The following RIMS2 variants were observed in gnomAD, a reference collection of about 807,000 sequenced individuals.
RIMS2 encodes the protein regulating synaptic membrane exocytosis protein 2.
RIMS2 carries 59 observed loss-of-function variants against 174.4 expected under a neutral mutation model. The observed-to-expected ratio is 0.34, with a 90% CI of 0.27 to 0.42. The LOEUF is 0.42. Ranked by LOEUF, RIMS2 falls within the 10% of genes least tolerant of loss-of-function variation. The probability of loss-of-function intolerance (pLI) is 1.00; values close to 1 mark genes in which losing one functional copy is unlikely to be tolerated. For synonymous variants in RIMS2, 606 were observed against 572.5 expected, an observed-to-expected ratio of 1.06 and a Z score of -0.84; for missense variants, 1,620 against 1,666.3, an observed-to-expected ratio of 0.97 and a Z score of 0.48.
chr8:104,039,534 G>A (rs759440868), intron 19 of RIMS2, among the ~76,000 whole-genome samples: 20 of 151,194 alleles, frequency 1.3e-4, no homozygotes, highest in Non-Finnish European at 2.7e-4. Flanking sequence ...ATTTGTTTAC[G>A]TAGTTTTTAT....
At chr8:104,213,333 C>T (rs2099113904) in intron 19 of RIMS2, among the ~76,000 whole-genome samples, 1 of 152,126 alleles carries the variant, frequency 6.6e-6, no homozygotes, top group Admixed American at 6.5e-5. Context: ...CTTCTTCCTT[C>T]TGTGACTTCC....
chr8:103,880,324 G>A (rs1349191511), intron 3 of RIMS2: 2 of 200,976 alleles, frequency 1.0e-5, no homozygotes, highest in East Asian at 2.1e-4. Flanking sequence ...TCAGTATTGT[G>A]AGGCACTAAT....
intron 2 of RIMS2, among the ~76,000 whole-genome samples, chr8:103,707,567 C>A (rs1181120479): frequency 6.6e-6 from 1 of 152,174 alleles, no homozygotes; most frequent in Non-Finnish European, 1.5e-5. Flanking sequence ...GGTTCCCAGG[C>A]AAAGTCTTTA....
chr8:104,133,199 G>A (rs2098487198), intron 19 of RIMS2, among the ~76,000 whole-genome samples: 1 of 152,302 alleles, frequency 6.6e-6, no homozygotes, highest in South Asian at 2.1e-4. Context: ...AACATGTGAA[G>A]CTGAGTTGGA....
At chr8:103,668,096 G>A (rs1382626747) in intron 1 of RIMS2, among the ~76,000 whole-genome samples, 1 of 152,144 alleles carries the variant, frequency 6.6e-6, no homozygotes, top group Middle Eastern at 3.2e-3. Flanking sequence ...TAGAGTTTAG[G>A]AATGGAAGAT....
At chr8:104,132,791 C>T (rs2098483597) in intron 19 of RIMS2, among the ~76,000 whole-genome samples, 1 of 152,130 alleles carries the variant, frequency 6.6e-6, no homozygotes, top group Non-Finnish European at 1.5e-5. Flanking sequence ...CAAATGAAGA[C>T]TTAGTATTTT....
At chr8:103,611,043 C>T (rs201864427) in intron 1 of RIMS2, among the ~76,000 whole-genome samples, 4 of 152,060 alleles carry the variant, frequency 2.6e-5, no homozygotes. Context: ...CTTCCTGGTT[C>T]AGTCTTGGGA....
intron 3 of RIMS2, among the ~76,000 whole-genome samples, chr8:103,771,863 T>A (rs1206830181): frequency 6.6e-6 from 1 of 152,136 alleles, no homozygotes. Flanking sequence ...CAACAGATAT[T>A]TATTGAATTT....
intron 15 of RIMS2, among the ~76,000 whole-genome samples, chr8:103,961,858 T>G (rs2090199831): frequency 6.6e-6 from 1 of 152,154 alleles, no homozygotes; most frequent in Non-Finnish European, 1.5e-5. Context: ...CCAATTTTTG[T>G]TAAGAGTCAG....
At chr8:103,887,229 A>G (rs1304762637) in intron 4 of RIMS2, among the ~76,000 whole-genome samples, 1 of 151,654 alleles carries the variant, frequency 6.6e-6, no homozygotes, top group Non-Finnish European at 1.5e-5. Flanking sequence ...TCATTCCTTT[A>G]ATTCCTTCTG....
chr8:103,501,956 T>C (rs1820348680), intron 1 of RIMS2, among the ~76,000 whole-genome samples: 1 of 152,232 alleles, frequency 6.6e-6, no homozygotes, highest in East Asian at 1.9e-4. Context: ...AGACTACTTT[T>C]CTGGTTAGCG....
chr8:103,609,360 A>G (rs967736704), intron 1 of RIMS2, among the ~76,000 whole-genome samples: 5 of 152,126 alleles, frequency 3.3e-5, no homozygotes, highest in Admixed American at 2.0e-4. Flanking sequence ...CTTTAGTTTA[A>G]TTAAGTTCTA....
intron 1 of RIMS2, among the ~76,000 whole-genome samples, chr8:103,561,725 T>C (rs936422233): frequency 6.6e-6 from 1 of 152,204 alleles, no homozygotes; most frequent in Non-Finnish European, 1.5e-5. Flanking sequence ...TCAAGATCTT[T>C]ATATGGGCAG....
intron 19 of RIMS2, among the ~76,000 whole-genome samples, chr8:104,112,710 C>A (rs1248969325): frequency 1.3e-5 from 2 of 152,160 alleles, no homozygotes; most frequent in Non-Finnish European, 2.9e-5. Flanking sequence ...TTAGGGCATA[C>A]TGAAATTTTA....
intron 4 of RIMS2, among the ~76,000 whole-genome samples, chr8:103,904,419 A>G (rs1275202470): frequency 6.6e-6 from 1 of 152,056 alleles, no homozygotes; most frequent in Non-Finnish European, 1.5e-5. Context: ...GCCTTTTATC[A>G]TTAAGTATGA....
chr8:103,632,802 C>T (rs796320399), intron 1 of RIMS2, among the ~76,000 whole-genome samples: 22 of 131,320 alleles, frequency 1.7e-4, no homozygotes, highest in African/African-American at 5.4e-4. Context: ...GGCGCAATCT[C>T]GGCTCACTGC....
intron 19 of RIMS2, among the ~76,000 whole-genome samples, chr8:104,174,734 A>T (rs540387059): frequency 2.0e-5 from 3 of 152,334 alleles, no homozygotes; most frequent in African/African-American, 7.2e-5. Context: ...GTAGGAAAAG[A>T]AACAATAAAT....
intron 4 of RIMS2, among the ~76,000 whole-genome samples, chr8:103,903,825 A>G (rs2073779749): frequency 1.3e-5 from 2 of 152,122 alleles, no homozygotes; most frequent in South Asian, 2.1e-4. Context: ...TGAAGGCAGC[A>G]AGACATTTAG....
intron 1 of RIMS2, among the ~76,000 whole-genome samples, chr8:103,609,214 G>C (rs991220247): frequency 6.6e-6 from 1 of 151,850 alleles, no homozygotes; most frequent in African/African-American, 2.4e-5. Flanking sequence ...TTTGTTTTTT[G>C]CTTGTAGATT....
Sources: gnomAD v4.1 joint callset for allele counts (sites outside exome capture counted in the v4.1 genomes callset) on GRCh38, gnomAD v4.1.1 for gene constraint, MANE v1.5 for transcripts, NCBI Gene and HGNC (gene_info 2026-07-23, HGNC 2026-07-21) for gene names.